The following TUT7 variants were observed in gnomAD, a reference collection of about 807,000 sequenced individuals.
The protein encoded by TUT7 is terminal uridylyl transferase 7.
TUT7 carries 33 observed loss-of-function variants against 165.9 expected under a neutral mutation model. The observed-to-expected ratio is 0.20, with a 90% CI of 0.15 to 0.27. The LOEUF (loss-of-function observed/expected upper bound fraction) is 0.27. Among genes scored for constraint, TUT7 ranks in the 10% least tolerant of loss-of-function variants. The pLI, the probability that TUT7 is intolerant of heterozygous loss-of-function variation, is 1.00. For missense variants in TUT7, 1,338 were observed against 1,762.3 expected (o/e 0.76, Z 4.31); for synonymous variants, 552 against 608.1 (o/e 0.91, Z 1.36).
chr9:86,307,937 T>A lies in TUT7; in HGVS notation c.3838+492A>T, dbSNP rs1209327049. ...TGAACCCAGGAGGCGGAGGTTGCAGTGAGCCGAGATAGCGCTACTGCACTC... is the reference window on the plus strand; with the variant it reads ...TGAACCCAGGAGGCGGAGGTTGCAGAGAGCCGAGATAGCGCTACTGCACTC... On this transcript the variant is annotated intron_variant, in intron 22 of 26. Coordinates refer to ENST00000375963, the MANE Select transcript of TUT7 (RefSeq NM_024617.4). 3.3e-5 allele frequency among the ~76,000 whole-genome samples: 5 copies of A among 152,250 alleles called. No individual in the cohort carries two copies. The East Asian group carries it at 7.7e-4, about 23-fold the overall frequency.
intron 17 of TUT7, 42 bp downstream of exon 17, chr9:86,317,177 T>C (rs762786124): frequency 1.2e-5 from 19 of 1,574,740 alleles, no homozygotes; most frequent in Admixed American, 3.4e-5. Flanking sequence ...AAACACTAAT[T>C]AAAAAGTCAG....
intron 2 of TUT7, among the ~76,000 whole-genome samples, chr9:86,347,563 T>C (rs1831883877): frequency 6.6e-6 from 1 of 152,168 alleles, no homozygotes; most frequent in Non-Finnish European, 1.5e-5. Context: ...TCCAATTTTA[T>C]AAAAAGCTTG....
At chr9:86,325,657 A>G (rs1356445310) in intron 11 of TUT7, 143 bp from the exon 12 acceptor site, 13 of 708,044 alleles carry the variant, frequency 1.8e-5, no homozygotes, top group Non-Finnish European at 2.7e-5. Context: ...AGATAAATCA[A>G]TTCTAACTTC....
intron 26 of TUT7, among the ~76,000 whole-genome samples, chr9:86,296,735 G>A (rs1302110710): frequency 1.3e-5 from 2 of 152,168 alleles, no homozygotes; most frequent in South Asian, 2.1e-4. Context: ...GGGGCTGTCC[G>A]TATCAACATG....
intron 22 of TUT7, 147 bp from the exon 23 acceptor site, chr9:86,305,386 G>A (rs1191009540): frequency 3.4e-6 from 2 of 595,108 alleles, no homozygotes; most frequent in Admixed American, 7.3e-5. Flanking sequence ...TAGAAAAGAA[G>A]TGCAAAAAAA....
intron 9 of TUT7, 66 bp downstream of exon 9, chr9:86,338,757 T>TA: frequency 7.1e-7 from 1 of 1,402,264 alleles, no homozygotes; most frequent in South Asian, 1.8e-5. Context: ...TTAAATTAAG[T>TA]AAAAATCAAA....
Position 86,325,348 on chromosome 9 carries a change from C to A in TUT7, c.1775G>T (p.Arg592Leu). 6.2e-6 allele frequency: 10 copies of A among 1,613,538 alleles called. No homozygotes were observed. The highest frequency in any genetic ancestry group is 8.5e-6 in the Non-Finnish European group (10 of 1,179,740). The change falls in exon 12 of 27, where the codon CGC (arginine) becomes CTC (leucine). Residue 592 changes from arginine to leucine, a missense_variant. By Grantham distance (102) the Arg-to-Leu change is moderately radical. Transcript: ENST00000375963. ...TTTTGAGATACCTTCAATGGCAATG[C>A]GCTTTTTGGGCCAATCCTTCAATTC... ...SRELKDWPKK[R>L]IAIEDPYSVK...
intron 2 of TUT7, among the ~76,000 whole-genome samples, chr9:86,350,317 C>T (rs1055844123): frequency 3.9e-5 from 6 of 151,990 alleles, no homozygotes; most frequent in African/African-American, 1.5e-4. Flanking sequence ...GGCTACAGAG[C>T]GAGACTCCAT....
chr9:86,332,570 A>G (rs1052555817), intron 10 of TUT7, among the ~76,000 whole-genome samples: 1 of 152,172 alleles, frequency 6.6e-6, no homozygotes, highest in Non-Finnish European at 1.5e-5. Flanking sequence ...AAGGAGGGAG[A>G]GGAGCAAGAA....
At chr9:86,316,309 G>T (rs967818551) in intron 17 of TUT7, among the ~76,000 whole-genome samples, 4 of 152,064 alleles carry the variant, frequency 2.6e-5, no homozygotes, top group African/African-American at 9.7e-5. Context: ...ATTTATCAAT[G>T]AAAAAAAGAG....
intron 4 of TUT7, 31 bp from the exon 5 acceptor site, chr9:86,345,185 G>T: frequency 1.3e-6 from 2 of 1,585,344 alleles, no homozygotes; most frequent in South Asian, 2.3e-5. Flanking sequence ...GATTAAAAAT[G>T]ACTTACACAT....
At chr9:86,341,766 T>C (rs1831348463) in intron 6 of TUT7, among the ~76,000 whole-genome samples, 1 of 152,190 alleles carries the variant, frequency 6.6e-6, no homozygotes. Flanking sequence ...CCTTTTCGTC[T>C]TTTAGAACTC....
chr9:86,344,910 C>G, intron 5 of TUT7, 67 bp downstream of exon 5: 1 of 1,338,268 alleles, frequency 7.5e-7, no homozygotes, highest in Non-Finnish European at 1.0e-6. Context: ...ATGAAAATTA[C>G]TATTGGTAGG....
chr9:86,302,734 A>G (rs910662949), intron 25 of TUT7, among the ~76,000 whole-genome samples: 1 of 150,928 alleles, frequency 6.6e-6, no homozygotes, highest in Non-Finnish European at 1.5e-5. Context: ...CTGCAGCCTC[A>G]GCCTCCCAAG....
Position 86,325,428 on chromosome 9 carries a change from T to C in TUT7, c.1695A>G (p.Glu565=). The C allele has an allele frequency of 2.5e-6, 4 of 1,614,154 alleles. No individual in the cohort carries two copies. The highest frequency in any genetic ancestry group is 3.4e-6 in the Non-Finnish European group (4 of 1,180,008). The change falls in exon 12 of 27, where the codon GAA becomes GAG. Residue 565 remains glutamate (E), a synonymous_variant. Coordinates refer to ENST00000375963, the MANE Select transcript of TUT7 (RefSeq NM_024617.4). ...TTATCACTAAATCAGCCAAATTAAATTCTAAAGCATAGAACCGCAGCAATT... is the reference window on the plus strand; with the variant it reads ...TTATCACTAAATCAGCCAAATTAAACTCTAAAGCATAGAACCGCAGCAATT... ...WVELLRFYAL[E]FNLADLVISI... is the part of the protein sequence containing the mutation.
rs1320129885 is a variant in TUT7 at position 86,322,399 on chromosome 9, A to C, written c.2954T>G (p.Ile985Ser). The C allele has an allele frequency of 1.3e-5, 21 of 1,614,030 alleles. No individual in the cohort carries two copies. Among genetic ancestry groups the C allele is most frequent in the Non-Finnish European group, 1.7e-5 (20 of 1,179,996 alleles). ...TAATGGTGGCAGAGGTTCTAGCTGG[A>C]TTCTTTTGAAGTCTTCAGGACAGTC... ...KKDCPEDFKR[I>S]QLEPLPPLTP... Residue 985 changes from isoleucine (I) to serine (S), a missense_variant, in exon 14 of 27, where the codon ATC (isoleucine) becomes AGC (serine). Coordinates refer to ENST00000375963, the MANE Select transcript of TUT7 (RefSeq NM_024617.4).
chr9:86,329,583 G>C (rs990608299), intron 10 of TUT7, among the ~76,000 whole-genome samples: 1 of 151,910 alleles, frequency 6.6e-6, no homozygotes, highest in Non-Finnish European at 1.5e-5. Flanking sequence ...AAATAATATG[G>C]GATGGAGTAT....
At chr9:86,308,326 G>T in intron 22 of TUT7, 103 bp downstream of exon 22, 1 of 1,061,860 alleles carries the variant, frequency 9.4e-7, no homozygotes, top group Non-Finnish European at 1.3e-6. Context: ...CTGGGGCACT[G>T]CACACCCCAA....
At chr9:86,334,422 C>T (rs1830585838) in intron 10 of TUT7, among the ~76,000 whole-genome samples, 1 of 152,048 alleles carries the variant, frequency 6.6e-6, no homozygotes, top group African/African-American at 2.4e-5. Flanking sequence ...CCAAACTGAG[C>T]CTTCGGAAAT....
Sources: gnomAD v4.1 joint callset for allele counts (sites outside exome capture counted in the v4.1 genomes callset) on GRCh38, gnomAD v4.1.1 for gene constraint, MANE v1.5 for transcripts, NCBI Gene and HGNC (gene_info 2026-07-23, HGNC 2026-07-21) for gene names.